PIK3R6: variants seen among roughly 807,000 people sequenced by gnomAD.
PIK3R6 encodes the protein phosphoinositide-3-kinase regulatory subunit 6, also known as phosphoinositide 3-kinase regulatory subunit 6.
A neutral mutation model predicts 84.9 loss-of-function variants in PIK3R6; 91 were observed. That is an observed-to-expected ratio of 1.07 (90% confidence interval 0.90 to 1.28). The LOEUF (loss-of-function observed/expected upper bound fraction) is 1.28. Among genes scored for constraint, PIK3R6 ranks in the 50% most tolerant of loss-of-function variants. PIK3R6 has a pLI of 0.00. For missense variants in PIK3R6, 996 were observed against 985.1 expected (o/e 1.01, Z -0.15); for synonymous variants, 416 against 411.4 (o/e 1.01, Z -0.13).
At chr17:8,808,760 G>A (rs1284565017) in intron 18 of PIK3R6, among the ~76,000 whole-genome samples, 1 of 152,184 alleles carries the variant, frequency 6.6e-6, no homozygotes, top group Non-Finnish European at 1.5e-5. Flanking sequence ...AAAGAAGTGA[G>A]CCATGGATAG....
intron 2 of PIK3R6, among the ~76,000 whole-genome samples, chr17:8,843,283 TTCTC>T (rs1225189559): frequency 6.6e-6 from 1 of 152,120 alleles, no homozygotes; most frequent in Admixed American, 6.5e-5. Context: ...TCCTCCCTCC[TTCTC>T]TCTCTCCCTC....
At chr17:8,865,316 A>ACCTAGG (rs1455430080) in intron 1 of PIK3R6, among the ~76,000 whole-genome samples, 2 of 152,030 alleles carry the variant, frequency 1.3e-5, no homozygotes, top group East Asian at 3.9e-4. Context: ...AGAACCCACC[A>ACCTAGG]CCTAGGCCTC....
Position 8,804,152 on chromosome 17 carries a change from G to C in PIK3R6, c.1997C>G (p.Thr666Arg), listed in dbSNP as rs116374340. 6.2e-7 allele frequency: 1 copy of C among 1,612,634 alleles called. No individual in the cohort carries two copies. Among genetic ancestry groups the C allele is most frequent in the African/African-American group, 1.3e-5 (1 of 75,012 alleles). Residue 666 changes from threonine (T) to arginine (R), a missense_variant and splice_region_variant, in exon 19 of 20, where the codon ACA becomes AGA. Thr to Arg is a moderately conservative substitution (Grantham distance 71). Transcript: ENST00000619866. The stretch of plus-strand genomic sequence containing the variant: ...GTTCGTCCTGAAGGTGTTGGTCACT[G>C]TCTGCAGCACAGAGATCGCACGTGT... ...SSNLAGKSFS[T>R]VTNTFRTNNI...
intron 10 of PIK3R6, 121 bp downstream of exon 10, chr17:8,829,585 G>A: frequency 2.1e-6 from 2 of 954,004 alleles, no homozygotes; most frequent in Non-Finnish European, 3.0e-6. Flanking sequence ...CAGACACACT[G>A]ACACACACTC....
At chr17:8,829,606 ACACT>A in intron 10 of PIK3R6, 96 bp downstream of exon 10, 1 of 1,227,710 alleles carries the variant, frequency 8.1e-7, no homozygotes, top group Non-Finnish European at 1.2e-6. Flanking sequence ...ATGCATACAC[ACACT>A]GACACACGCA....
intron 13 of PIK3R6, among the ~76,000 whole-genome samples, chr17:8,826,470 C>T (rs1424971943): frequency 1.3e-5 from 2 of 152,114 alleles, no homozygotes; most frequent in African/African-American, 4.8e-5. Context: ...GAGTTAATGT[C>T]CTTTTCAGGG....
chr17:8,836,701 T>C, intron 6 of PIK3R6, 85 bp from the exon 7 acceptor site: 1 of 1,611,150 alleles, frequency 6.2e-7, no homozygotes, highest in Non-Finnish European at 8.5e-7. Flanking sequence ...TGGAGGCTTT[T>C]GAGCTCCCCG....
chr17:8,837,361 G>A (rs1231858334), intron 5 of PIK3R6, among the ~76,000 whole-genome samples: 2 of 151,960 alleles, frequency 1.3e-5, no homozygotes, highest in African/African-American at 4.8e-5. Flanking sequence ...ACCTCAGTGT[G>A]CCCTCCGTCT....
intron 1 of PIK3R6, among the ~76,000 whole-genome samples, chr17:8,856,615 CA>C (rs1162484204): frequency 6.6e-6 from 1 of 151,990 alleles, no homozygotes; most frequent in Admixed American, 6.6e-5. Flanking sequence ...AACAAACAAA[CA>C]AAAAACCCCA....
At position 8,839,226 on chromosome 17, in the gene PIK3R6, T is replaced by A. The variant is rs534302613; in HGVS notation, c.97+388A>T. Reference sequence around the variant, plus strand: ...AGCAGGGCATGGTGGCACACGCCTGTAATCTCAGCTACTTGGGAGGCTGAG... The same window carrying A: ...AGCAGGGCATGGTGGCACACGCCTGAAATCTCAGCTACTTGGGAGGCTGAG... On this transcript the variant is annotated intron_variant, in intron 3 of 19. Coordinates refer to ENST00000619866, the MANE Select transcript of PIK3R6 (RefSeq NM_001010855.4). This position sits in a 1 kb window ranked among gnomAD's most constrained non-coding sequence, Gnocchi z 4.2. Among the ~76,000 whole-genome samples the A allele has an allele frequency of 6.6e-6, 1 of 152,162 alleles. No individual in the cohort carries two copies. The highest frequency in any genetic ancestry group is 1.5e-5 in the Non-Finnish European group (1 of 68,016).
At position 8,803,950 on chromosome 17, in the gene PIK3R6, T is replaced by G; in HGVS notation, c.2108+91A>C. 3.9e-5 allele frequency: 45 copies of G among 1,155,434 alleles called. No individual in the cohort carries two copies. Among genetic ancestry groups the G allele is most frequent in the East Asian group, 9.9e-5 (4 of 40,390 alleles). 71.6% of individuals were successfully genotyped at this position (1,155,434 alleles called of 1,614,324 possible). A position where few individuals can be genotyped will look rare whatever the true frequency, so the allele number is the denominator to read the frequency against. ...AGGATCTACCTCCGATGAGGTGCCT[T>G]GAGCTAGAGGCAGGAGATGGCAGGA... On this transcript the variant is annotated intron_variant, in intron 19 of 19. Coordinates refer to ENST00000619866, the MANE Select transcript of PIK3R6 (RefSeq NM_001010855.4). The surrounding 1 kb of genome is among the most constrained non-coding windows in gnomAD (Gnocchi z 5.0).
intron 1 of PIK3R6, among the ~76,000 whole-genome samples, chr17:8,856,806 A>C (rs2089152091): frequency 6.6e-6 from 1 of 151,864 alleles, no homozygotes; most frequent in Admixed American, 6.6e-5. Context: ...TGATTTCTTA[A>C]TCTTAAGTAT....
rs182810161 is a variant in PIK3R6 at position 8,837,075 on chromosome 17, C to G, written c.259-152G>C. ...AACAGCCAGACCTGGGCTCACAGCT[C>G]TCTCCCAAACCCACACCTTCCAGCC... On this transcript the variant is annotated intron_variant, in intron 5 of 19. Transcript: ENST00000619866. Among the ~76,000 whole-genome samples, 855 of 152,122 alleles carry G rather than the reference C, an allele frequency of 5.6e-3. 3 individuals are homozygous for G. The highest frequency in any genetic ancestry group is 7.9e-3 in the Non-Finnish European group (538 of 67,984).
At chr17:8,850,346 C>T (rs1168882403) in intron 1 of PIK3R6, among the ~76,000 whole-genome samples, 1 of 151,508 alleles carries the variant, frequency 6.6e-6, no homozygotes, top group Non-Finnish European at 1.5e-5. Context: ...TTATATAGTG[C>T]TTACTATGTG....
chr17:8,833,935 G>A (rs1048678923), intron 8 of PIK3R6, among the ~76,000 whole-genome samples: 18 of 151,730 alleles, frequency 1.2e-4, no homozygotes, highest in African/African-American at 3.6e-4. Context: ...TTGGAAGGCC[G>A]GGGTAGGTGG....
At chr17:8,819,905 C>T (rs115428134) in intron 17 of PIK3R6, among the ~76,000 whole-genome samples, 3,721 of 141,504 alleles carry the variant, frequency 0.026, 165 homozygotes, top group African/African-American at 0.093. Context: ...TATGTGTATA[C>T]ATACATATAT....
intron 1 of PIK3R6, among the ~76,000 whole-genome samples, chr17:8,852,930 A>T (rs2089012900): frequency 6.6e-6 from 1 of 152,112 alleles, no homozygotes; most frequent in Admixed American, 6.6e-5. Flanking sequence ...TTTTTGTCTA[A>T]GCAATTCGAC....
chr17:8,804,151 T>C lies in PIK3R6; in HGVS notation c.1998A>G (p.Thr666=). Residue 666 remains threonine (T), a splice_region_variant and synonymous_variant, in exon 19 of 20, where the codon ACA becomes ACG. Coordinates refer to ENST00000619866, the MANE Select transcript of PIK3R6 (RefSeq NM_001010855.4). ...SSNLAGKSFS[T]VTNTFRTNNI... ...TGTTCGTCCTGAAGGTGTTGGTCAC[T>C]GTCTGCAGCACAGAGATCGCACGTG... 1.2e-6 allele frequency: 2 copies of C among 1,612,818 alleles called. No homozygotes were observed. Among genetic ancestry groups the C allele is most frequent in the Non-Finnish European group, 1.7e-6 (2 of 1,178,814 alleles).
At chr17:8,827,816 G>A (rs1420673281) in intron 12 of PIK3R6, among the ~76,000 whole-genome samples, 2 of 123,692 alleles carry the variant, frequency 1.6e-5, no homozygotes, top group Non-Finnish European at 3.4e-5. Flanking sequence ...GAGAGAGAGA[G>A]ACCGCCCTGT....
Sources: allele counts gnomAD v4.1 joint callset (sites outside exome capture counted in the v4.1 genomes callset), GRCh38; gene constraint gnomAD v4.1.1; non-coding constraint Gnocchi (gnomAD v3.1); transcripts MANE v1.5; gene names NCBI Gene and HGNC (gene_info 2026-07-23, HGNC 2026-07-21).